The following PWWP2A variants were observed in gnomAD, a reference collection of about 807,000 sequenced individuals.
PWWP2A encodes PWWP domain-containing protein 2A.
A neutral mutation model predicts 48.5 loss-of-function variants in PWWP2A; 18 were observed. That is an observed-to-expected ratio of 0.37 (90% CI 0.26 to 0.55). The LOEUF (loss-of-function observed/expected upper bound fraction) is 0.55, where lower values mean the gene tolerates loss of function less well. Among genes scored for constraint, PWWP2A ranks in the 20% least tolerant of loss-of-function variants. PWWP2A has a pLI of 0.81. For missense variants in PWWP2A, 867 were observed against 976.4 expected, an observed-to-expected ratio of 0.89 and a Z score of 1.49; for synonymous variants, 396 against 387.7, an observed-to-expected ratio of 1.02 and a Z score of -0.25.
intron 2 of PWWP2A, among the ~76,000 whole-genome samples, chr5:160,080,948 A>G (rs769508424): frequency 6.6e-6 from 1 of 152,232 alleles, no homozygotes; most frequent in Non-Finnish European, 1.5e-5. Context: ...AAATGAAAAC[A>G]GACTTGAGAG....
chr5:160,097,866 C>T lies in PWWP2A; in HGVS notation c.585-3801G>A, dbSNP rs566464374. On this transcript the variant is annotated intron_variant, in intron 1 of 1. Coordinates refer to ENST00000307063, the MANE Select transcript of PWWP2A (RefSeq NM_001130864.2). ...GAGCAGCTAGGATTACAGACGCGAG[C>T]CATCACGCCTGGCTAATTTTTGTAT... Among the ~76,000 whole-genome samples, 59 of 151,804 alleles carry T rather than the reference C, an allele frequency of 3.9e-4. No individual in the cohort carries two copies. In the South Asian group the frequency reaches 0.012, roughly 31 times the overall value.
At chr5:160,066,295 C>CTTTTTTTTTTTTTTTTTTTTTTT (rs748083955) in intron 4 of PWWP2A, among the ~76,000 whole-genome samples, 2 of 57,948 alleles carry the variant, frequency 3.5e-5, no homozygotes, top group African/African-American at 1.1e-4. Flanking sequence ...AAGTGGTTCT[C>CTTTTTTTTTTTTTTTTTTTTTTT]ATTTTTTTTT....
chr5:160,105,239 C>CAAAAAAAAAAA, intron 1 of PWWP2A, among the ~76,000 whole-genome samples: 1 of 48,944 alleles, frequency 2.0e-5, no homozygotes, highest in Non-Finnish European at 3.5e-5. Context: ...GTCTCTAAGG[C>CAAAAAAAAAAA]AAAAAAAAAA....
chr5:160,089,216 C>G (rs1374590112), downstream of PWWP2A, among the ~76,000 whole-genome samples: 1 of 151,980 alleles, frequency 6.6e-6, no homozygotes, highest in African/African-American at 2.4e-5. Context: ...TTTTCAGAGC[C>G]AGGGTCTCAC....
chr5:160,047,433 C>T, the PWWP2A span, among the ~76,000 whole-genome samples: 3 of 152,200 alleles, frequency 2.0e-5, no homozygotes, highest in Admixed American at 2.0e-4. Flanking sequence ...TAATGTAATC[C>T]GGCTGCTGTT....
downstream of PWWP2A, among the ~76,000 whole-genome samples, chr5:160,075,562 A>G (rs1294811236): frequency 1.3e-5 from 2 of 152,200 alleles, no homozygotes; most frequent in African/African-American, 2.4e-5. Context: ...AAAAGAAAAC[A>G]AGACAAACCC....
intron 2 of PWWP2A, among the ~76,000 whole-genome samples, chr5:160,085,525 GAGA>G (rs1754561210): frequency 1.7e-5 from 1 of 58,996 alleles, no homozygotes; most frequent in Non-Finnish European, 3.3e-5. Context: ...TTTTTTTTTT[GAGA>G]TGGAGTCTCG....
At chr5:160,064,891 T>A in intron 4 of PWWP2A, 1 of 1,591,530 alleles carries the variant, frequency 6.3e-7, no homozygotes, top group Non-Finnish European at 8.5e-7. Flanking sequence ...CTGCTTCTGT[T>A]CATTCCTGTA....
intron 5 of PWWP2A, among the ~76,000 whole-genome samples, chr5:160,062,819 C>T (rs1211431073): frequency 4.6e-5 from 7 of 151,570 alleles, no homozygotes; most frequent in African/African-American, 1.7e-4. Flanking sequence ...TTTTTTTTTC[C>T]CCCTTCCTGT....
At chr5:160,116,434 C>T (rs566039106) in intron 1 of PWWP2A, among the ~76,000 whole-genome samples, 5 of 152,058 alleles carry the variant, frequency 3.3e-5, no homozygotes, top group Non-Finnish European at 7.4e-5. Flanking sequence ...CCAGCCTGTG[C>T]GGCAGAGCAA....
At chr5:160,113,162 A>C in intron 1 of PWWP2A, 1 of 941,576 alleles carries the variant, frequency 1.1e-6, no homozygotes, top group Non-Finnish European at 1.3e-6. Context: ...CTGTGTCAAA[A>C]AAAAAAAAGA....
the PWWP2A span, among the ~76,000 whole-genome samples, chr5:160,054,610 AAAG>A: frequency 7.9e-5 from 12 of 152,332 alleles, no homozygotes; most frequent in East Asian, 2.3e-3. Context: ...AAAAACAAAA[AAAG>A]AAAGAAAAAA....
chr5:160,085,538 G>C (rs1195685917), intron 2 of PWWP2A, among the ~76,000 whole-genome samples: 3 of 119,630 alleles, frequency 2.5e-5, no homozygotes, highest in Admixed American at 1.0e-4. Context: ...ATGGAGTCTC[G>C]CTCTGTCACC....
intron 1 of PWWP2A, among the ~76,000 whole-genome samples, chr5:160,109,328 T>C (rs1757204388): frequency 6.6e-6 from 1 of 151,344 alleles, no homozygotes; most frequent in South Asian, 2.1e-4. Context: ...TGATTCCTTA[T>C]TTCCTGTCAC....
rs1181217866 is a variant in PWWP2A, at chr5:160,077,896, C to T, written c.*259G>A. 4 of 426,788 alleles carry T rather than the reference C, an allele frequency of 9.4e-6. No homozygotes were observed. The highest frequency in any genetic ancestry group is 3.8e-5 in the South Asian group (1 of 26,598). 26.4% of individuals were successfully genotyped at this position (426,788 alleles called of 1,614,324 possible). On this transcript the variant is annotated 3_prime_UTR_variant, in exon 4 of 4. Coordinates refer to the PWWP2A transcript ENST00000456329. The surrounding 1 kb of genome is among the most constrained non-coding windows in gnomAD (Gnocchi z 4.2). The stretch of plus-strand genomic sequence containing the variant: ...TATATAAAATTCAAGTGAGTTCTTA[C>T]GTGTGTAATTCACATCATTTTTCTC...
chr5:160,049,692 C>A, the PWWP2A span: 1 of 1,497,368 alleles, frequency 6.7e-7, no homozygotes, highest in Admixed American at 2.4e-5. Context: ...AAATATTTTT[C>A]CTTCTATTCT....
intron 2 of PWWP2A, among the ~76,000 whole-genome samples, chr5:160,083,702 G>T (rs1025345733): frequency 2.0e-5 from 3 of 152,144 alleles, no homozygotes; most frequent in Non-Finnish European, 4.4e-5. Flanking sequence ...ATCTGAGATG[G>T]TCATCGGTCA....
intron 1 of PWWP2A, chr5:160,117,704 C>T (rs2113698413): frequency 6.4e-6 from 1 of 157,398 alleles, no homozygotes; most frequent in Non-Finnish European, 1.4e-5. Context: ...AGAATAACTG[C>T]TCTCATCTTT....
intron 1 of PWWP2A, among the ~76,000 whole-genome samples, chr5:160,117,656 CAA>C (rs1288427863): frequency 1.6e-4 from 17 of 103,932 alleles, no homozygotes; most frequent in Middle Eastern, 5.2e-3. Context: ...GACTCCGTCT[CAA>C]AAAAAAAAAA....
Sources: gnomAD v4.1 joint callset for allele counts (sites outside exome capture counted in the v4.1 genomes callset) on GRCh38, gnomAD v4.1.1 for gene constraint, Gnocchi (gnomAD v3.1) non-coding constraint, MANE v1.5 for transcripts, NCBI Gene and HGNC (gene_info 2026-07-23, HGNC 2026-07-21) for gene names.